BICC1: variants seen among roughly 807,000 people sequenced by gnomAD.
The protein encoded by BICC1 is BicC family RNA binding protein 1.
A neutral mutation model predicts 111.0 loss-of-function variants in BICC1; 43 were observed. The observed-to-expected ratio is 0.39, with a 90% CI of 0.30 to 0.50. The LOEUF is 0.50. Ranked by LOEUF, BICC1 falls within the 20% of genes least tolerant of loss-of-function variation. BICC1 has a pLI of 0.88. For synonymous variants in BICC1, 467 were observed against 434.4 expected (o/e 1.07, Z -0.93); for missense variants, 1,091 against 1,203.2 (o/e 0.91, Z 1.38).
intron 2 of BICC1, among the ~76,000 whole-genome samples, chr10:58,665,831 TTTG>T (rs1488301690): frequency 1.1e-4 from 16 of 152,352 alleles, no homozygotes; most frequent in African/African-American, 3.8e-4. Context: ...CGTCTATTTC[TTTG>T]TTATCATTTC....
chr10:58,660,810 C>A (rs1435118634), intron 2 of BICC1, among the ~76,000 whole-genome samples: 1 of 152,138 alleles, frequency 6.6e-6, no homozygotes, highest in Non-Finnish European at 1.5e-5. Flanking sequence ...GAGAAAGTCA[C>A]CCCAGGCGAC....
intron 1 of BICC1, among the ~76,000 whole-genome samples, chr10:58,583,219 G>A (rs557613750): frequency 6.6e-6 from 1 of 152,214 alleles, no homozygotes; most frequent in East Asian, 1.9e-4. Context: ...TGCCAAGGTA[G>A]ATTTCTTAAA....
At chr10:58,520,859 T>C (rs1188883366) in intron 1 of BICC1, among the ~76,000 whole-genome samples, 3 of 123,308 alleles carry the variant, frequency 2.4e-5, no homozygotes, top group South Asian at 5.4e-4. Context: ...TCCTGGTCTT[T>C]TGAAAATATG....
At chr10:58,712,083 C>A (rs1443592797) in intron 3 of BICC1, among the ~76,000 whole-genome samples, 1 of 152,072 alleles carries the variant, frequency 6.6e-6, no homozygotes, top group Non-Finnish European at 1.5e-5. Flanking sequence ...ATACAGATGG[C>A]AAATAAGCAT....
intron 3 of BICC1, among the ~76,000 whole-genome samples, chr10:58,740,899 A>G (rs1031232956): frequency 2.6e-5 from 4 of 152,328 alleles, no homozygotes; most frequent in East Asian, 1.9e-4. Flanking sequence ...GTGACACGTG[A>G]AAAGGCAGAG....
chr10:58,790,433 C>T (rs1564615248), intron 8 of BICC1, among the ~76,000 whole-genome samples: 4 of 152,150 alleles, frequency 2.6e-5, no homozygotes, highest in Admixed American at 2.6e-4. Context: ...ATTCGAGCGT[C>T]ACTTATTGAA....
intron 20 of BICC1, among the ~76,000 whole-genome samples, chr10:58,825,563 A>G (rs569370688): frequency 2.6e-5 from 4 of 152,360 alleles, no homozygotes; most frequent in African/African-American, 9.6e-5. Context: ...GCAGAGAGAA[A>G]TGTAAACAGA....
At chr10:58,738,859 G>A (rs1217631012) in intron 3 of BICC1, among the ~76,000 whole-genome samples, 1 of 151,944 alleles carries the variant, frequency 6.6e-6, no homozygotes, top group Non-Finnish European at 1.5e-5. Context: ...AATTGTGAAT[G>A]GGAGTTCACT....
intron 2 of BICC1, among the ~76,000 whole-genome samples, chr10:58,664,276 T>C (rs2132300198): frequency 6.6e-6 from 1 of 152,292 alleles, no homozygotes; most frequent in East Asian, 1.9e-4. Context: ...ACTTAGTAGT[T>C]TCTGATTGTG....
intron 3 of BICC1, 44 bp from the exon 4 acceptor site, chr10:58,784,956 CA>C: frequency 9.3e-7 from 1 of 1,069,948 alleles, no homozygotes; most frequent in Non-Finnish European, 1.4e-6. Context: ...CAATTTTAAA[CA>C]GAGTTTGGGA....
intron 1 of BICC1, among the ~76,000 whole-genome samples, chr10:58,616,676 G>C (rs959710554): frequency 1.3e-5 from 2 of 152,190 alleles, no homozygotes; most frequent in African/African-American, 4.8e-5. Context: ...CACATGGCTT[G>C]GCAGCCATGC....
intron 2 of BICC1, among the ~76,000 whole-genome samples, chr10:58,668,820 C>T (rs1429749570): frequency 1.3e-5 from 2 of 151,970 alleles, no homozygotes; most frequent in African/African-American, 2.4e-5. Context: ...GAGTTGGGAC[C>T]AGCCTTGAGC....
intron 2 of BICC1, among the ~76,000 whole-genome samples, chr10:58,656,095 C>G (rs1838637364): frequency 6.6e-6 from 1 of 152,166 alleles, no homozygotes; most frequent in South Asian, 2.1e-4. Context: ...ACTGGAAAAT[C>G]TAGAAGAAAT....
At chr10:58,714,332 A>G (rs571978254) in intron 3 of BICC1, among the ~76,000 whole-genome samples, 1 of 152,350 alleles carries the variant, frequency 6.6e-6, no homozygotes, top group East Asian at 1.9e-4. Context: ...GAAAATACCT[A>G]TGTAACAAAA....
chr10:58,571,221 C>G (rs1483292802), intron 1 of BICC1, among the ~76,000 whole-genome samples: 1 of 152,134 alleles, frequency 6.6e-6, no homozygotes, highest in Non-Finnish European at 1.5e-5. Flanking sequence ...TGGAAGAAAA[C>G]TTTGTTTTCC....
chr10:58,819,498 C>T (rs1690883071), intron 19 of BICC1, among the ~76,000 whole-genome samples: 1 of 152,080 alleles, frequency 6.6e-6, no homozygotes, highest in Non-Finnish European at 1.5e-5. Context: ...CCATAAGTAA[C>T]TTCATGAGAT....
chr10:58,626,562 A>G (rs1205523107), intron 2 of BICC1, among the ~76,000 whole-genome samples: 1 of 152,176 alleles, frequency 6.6e-6, no homozygotes, highest in Non-Finnish European at 1.5e-5. Context: ...AAGATCAAGT[A>G]ATTTGCTCAT....
chr10:58,755,123 G>GCTT (rs556843020), intron 3 of BICC1, among the ~76,000 whole-genome samples: 2 of 151,842 alleles, frequency 1.3e-5, no homozygotes, highest in African/African-American at 4.8e-5. Context: ...ATTTTTCTTT[G>GCTT]TTTTTTGTTT....
intron 3 of BICC1, among the ~76,000 whole-genome samples, chr10:58,766,417 A>G (rs1317231051): frequency 6.6e-6 from 1 of 152,212 alleles, no homozygotes; most frequent in Non-Finnish European, 1.5e-5. Flanking sequence ...GAGAGTAATT[A>G]GGGGGCGGGC....
Sources: allele counts gnomAD v4.1 joint callset (sites outside exome capture counted in the v4.1 genomes callset), GRCh38; gene constraint gnomAD v4.1.1; transcripts MANE v1.5; gene names NCBI Gene and HGNC (gene_info 2026-07-23, HGNC 2026-07-21).